Variants in ACAA1 observed in about 807,000 individuals in gnomAD.
The protein encoded by ACAA1 is 3-ketoacyl-CoA thiolase, peroxisomal.
A neutral mutation model predicts 48.8 loss-of-function variants in ACAA1; 44 were observed. That is an observed-to-expected ratio of 0.90 (90% CI 0.71 to 1.16). The LOEUF (loss-of-function observed/expected upper bound fraction) is 1.16. Ranked by LOEUF, ACAA1 falls within the 50% of genes most tolerant of loss-of-function variation. The probability of loss-of-function intolerance (pLI) is 0.00; values close to 1 mark genes in which losing one functional copy is unlikely to be tolerated. For synonymous variants in ACAA1, 233 were observed against 226.5 expected, an observed-to-expected ratio of 1.03 and a Z score of -0.26; for missense variants, 512 against 562.3, an observed-to-expected ratio of 0.91 and a Z score of 0.90.
In ACAA1 at chr3:38,129,319, C is replaced by G. The variant is rs156265; in HGVS notation, c.516G>C (p.Glu172Asp). Residue 172 changes from glutamate to aspartate, a missense_variant, in exon 6 of 12, where the codon GAG (glutamate) becomes GAC (aspartate). Coordinates refer to ENST00000333167, the MANE Select transcript of ACAA1 (RefSeq NM_001607.4). This position sits in a 1 kb window ranked among gnomAD's most constrained non-coding sequence, Gnocchi z 5.3. ...TAGGAATCAGGCAATCTCTGGCCTT[C>G]TCCTTCTCCATCAAGCGCGAAGTAA... ...GNITSRLMEK[E>D]KARDCLIPMG... 0.14 allele frequency: 232,437 copies of G among 1,613,526 alleles called. 18,930 individuals are homozygous for G. Among genetic ancestry groups the G allele is most frequent in the East Asian group, 0.33 (14,909 of 44,872 alleles).
chr3:38,131,529 A>G (rs1700788653), intron 5 of ACAA1, 67 bp downstream of exon 5: 2 of 1,515,106 alleles, frequency 1.3e-6, no homozygotes, highest in South Asian at 2.2e-5. Context: ...GCCTCTGAGA[A>G]CTCAGATGAA....
chr3:38,130,134 G>A (rs1421529201), intron 5 of ACAA1, among the ~76,000 whole-genome samples: 3 of 152,258 alleles, frequency 2.0e-5, no homozygotes, highest in African/African-American at 7.2e-5. Flanking sequence ...GCTACGAGCT[G>A]AGAGGAAGGA....
intron 3 of ACAA1, 161 bp downstream of exon 3, chr3:38,133,791 G>C: frequency 1.5e-6 from 1 of 677,174 alleles, no homozygotes; most frequent in African/African-American, 1.8e-5. Flanking sequence ...CTTCAAAGTA[G>C]GGGAGAGGTT....
chr3:38,124,173 A>G (rs1288343096), intron 11 of ACAA1: 1 of 152,220 alleles, frequency 6.6e-6, no homozygotes, highest in African/African-American at 2.4e-5. Context: ...GATTATAACA[A>G]TTATAAACAG....
At chr3:38,136,802 G>C (rs915138955) in intron 1 of ACAA1, 63 bp downstream of exon 1, 7 of 1,484,608 alleles carry the variant, frequency 4.7e-6, no homozygotes, top group Non-Finnish European at 6.2e-6. Context: ...CCAAACATAC[G>C]AACCGGACCC....
chr3:38,123,708 A>G (rs547895271), intron 11 of ACAA1: 1 of 152,488 alleles, frequency 6.6e-6, no homozygotes, highest in African/African-American at 2.4e-5. Flanking sequence ...TTTAAAAGAT[A>G]TTTACATTTT....
intron 2 of ACAA1, 45 bp downstream of exon 2, chr3:38,136,547 G>C (rs371014950): frequency 3.1e-6 from 5 of 1,607,624 alleles, no homozygotes; most frequent in Non-Finnish European, 3.4e-6. Context: ...TGGACGAACG[G>C]AAGAACGGGG....
In ACAA1 at chr3:38,133,943, A is replaced by C; in HGVS notation, c.323+9T>G. Reference sequence around the variant, plus strand: ...TGGCCAACCCATGGCTAGAACTAGAAAAGTTTACCTCAGAAACTGGGCGAT... The same window carrying C: ...TGGCCAACCCATGGCTAGAACTAGACAAGTTTACCTCAGAAACTGGGCGAT... On this transcript the variant is annotated intron_variant, in intron 3 of 11. Coordinates refer to ENST00000333167, the MANE Select transcript of ACAA1 (RefSeq NM_001607.4). 6.2e-7 allele frequency: 1 copy of C among 1,614,142 alleles called. No individual in the cohort carries two copies. Among genetic ancestry groups the C allele is most frequent in the Non-Finnish European group, 8.5e-7 (1 of 1,180,004 alleles).
At position 38,129,068 on chromosome 3, in the gene ACAA1, C is replaced by T. The variant is rs1217475106; in HGVS notation, c.545+222G>A. On this transcript the variant is annotated intron_variant, in intron 6 of 11. Transcript: ENST00000333167. The surrounding 1 kb of genome is among the most constrained non-coding windows in gnomAD (Gnocchi z 5.3). ...CTCAGTGTGGGAGTGACAAGGTGGG[C>T]GATGTTTGGAAACTCGGGGGCACAG... is the stretch of plus-strand genomic sequence containing the variant. Among the ~76,000 whole-genome samples, 3 of 152,072 alleles carry T rather than the reference C, an allele frequency of 2.0e-5. No individual in the cohort carries two copies. The highest frequency in any genetic ancestry group is 7.2e-5 in the African/African-American group (3 of 41,388).
At position 38,136,678 on chromosome 3, in the gene ACAA1, G is replaced by C. The variant is rs772886344; in HGVS notation, c.179C>G (p.Thr60Ser). The C allele has an allele frequency of 6.2e-7, 1 of 1,611,594 alleles. No homozygotes were observed. Among genetic ancestry groups the C allele is most frequent in the East Asian group, 2.2e-5 (1 of 44,714 alleles). ...RAGRGGFKDT[T>S]PDELLSAVMT... ...GACTGCCGAGAGAAGCTCGTCGGGG[G>C]TGGTGTCCTGCAGCAGAAAGAGCAG... is the stretch of plus-strand genomic sequence containing the variant. Residue 60 changes from threonine (T) to serine (S), a missense_variant, in exon 2 of 12, where the codon ACC becomes AGC. Thr to Ser is a moderately conservative substitution (Grantham distance 58). Transcript: ENST00000333167.
chr3:38,134,788 C>T (rs1371440358), intron 2 of ACAA1, among the ~76,000 whole-genome samples: 2 of 152,206 alleles, frequency 1.3e-5, no homozygotes, highest in Admixed American at 6.5e-5. Context: ...GCAGGGACCT[C>T]TGCCCAAGAA....
In ACAA1 at chr3:38,123,126, T is replaced by C; in HGVS notation, c.1200-4A>G. 6.2e-7 allele frequency: 1 copy of C among 1,614,070 alleles called. No individual in the cohort carries two copies. Among genetic ancestry groups the C allele is most frequent in the Non-Finnish European group, 8.5e-7 (1 of 1,179,990 alleles). ...CATGGACACCACTCCGTATGCCCTGTGAAAACAAAACTTAATTGGCTGGGC... is the reference window on the plus strand; with the variant it reads ...CATGGACACCACTCCGTATGCCCTGCGAAAACAAAACTTAATTGGCTGGGC... On this transcript the variant is annotated splice_polypyrimidine_tract_variant and splice_region_variant and intron_variant, in intron 11 of 11. Transcript: ENST00000333167.
intron 6 of ACAA1, among the ~76,000 whole-genome samples, chr3:38,128,456 G>A (rs1700722569): frequency 6.6e-6 from 1 of 152,218 alleles, no homozygotes; most frequent in African/African-American, 2.4e-5. Context: ...GTATGTGAAA[G>A]AAGCCATGGC....
At chr3:38,123,333 G>A in intron 11 of ACAA1, 2 of 573,270 alleles carry the variant, frequency 3.5e-6, no homozygotes, top group Non-Finnish European at 6.3e-6. Context: ...GGCCCTTAAG[G>A]AAAACAGGGA....
chr3:38,127,070 G>A (rs913775805), intron 7 of ACAA1, among the ~76,000 whole-genome samples: 5 of 152,204 alleles, frequency 3.3e-5, no homozygotes, highest in African/African-American at 9.6e-5. Flanking sequence ...TCAACAGTTC[G>A]ATGTCATCTA....
chr3:38,136,964 C>G lies in ACAA1; in HGVS notation c.72G>C (p.Ala24=), dbSNP rs1373133306. 38 of 1,552,814 alleles carry G rather than the reference C, an allele frequency of 2.4e-5. No homozygotes were observed. Among genetic ancestry groups the G allele is most frequent in the Non-Finnish European group, 3.2e-5 (37 of 1,151,272 alleles). The change falls in exon 1 of 12, where the codon GCG becomes GCC. Residue 24 remains alanine (A), a synonymous_variant. Transcript: ENST00000333167. ...CCTGCGGGGCACCGCTCAGGCAAGG[C>G]GCGGCCTGCGGCATCCAGCCGGAAT... ...PADSGWMPQA[A]PCLSGAPQAS...
At chr3:38,130,285 C>T (rs1203192618) in intron 5 of ACAA1, among the ~76,000 whole-genome samples, 1 of 152,236 alleles carries the variant, frequency 6.6e-6, no homozygotes, top group Non-Finnish European at 1.5e-5. Context: ...TATTAGAGTG[C>T]TTCAGTGTCA....
chr3:38,128,639 T>A (rs1279123126), intron 6 of ACAA1, among the ~76,000 whole-genome samples: 1 of 152,184 alleles, frequency 6.6e-6, no homozygotes, highest in Non-Finnish European at 1.5e-5. Flanking sequence ...TCACCCAGGC[T>A]GGAGTGCAGT....
At chr3:38,136,734 C>A in intron 1 of ACAA1, 49 bp from the exon 2 acceptor site, 1 of 1,537,172 alleles carries the variant, frequency 6.5e-7, no homozygotes, top group African/African-American at 1.4e-5. Context: ...CCATGCCCAC[C>A]CCAGGGAGAC....
Sources: gnomAD v4.1 joint callset for allele counts (sites outside exome capture counted in the v4.1 genomes callset) on GRCh38, gnomAD v4.1.1 for gene constraint, Gnocchi (gnomAD v3.1) non-coding constraint, MANE v1.5 for transcripts, NCBI Gene and HGNC (gene_info 2026-07-23, HGNC 2026-07-21) for gene names.